Variants in TRIM71 observed in about 807,000 individuals in gnomAD.
TRIM71 encodes tripartite motif containing 71, also known as E3 ubiquitin-protein ligase TRIM71.
TRIM71 carries 9 observed loss-of-function variants against 61.2 expected under a neutral mutation model. That is an observed-to-expected ratio of 0.15 (90% CI 0.09 to 0.26). The LOEUF is 0.26. Ranked by LOEUF, TRIM71 falls within the 10% of genes least tolerant of loss-of-function variation. The pLI is 1.00. For missense variants in TRIM71, 998 were observed against 1,238.7 expected (o/e 0.81, Z 2.92); for synonymous variants, 645 against 553.2 (o/e 1.17, Z -2.33).
intron 3 of TRIM71, among the ~76,000 whole-genome samples, chr3:32,888,938 A>C (rs965770798): frequency 6.6e-6 from 1 of 152,150 alleles, no homozygotes; most frequent in Non-Finnish European, 1.5e-5. Flanking sequence ...TCCTTTGCTG[A>C]GATAGCTCTC....
Position 32,885,986 on chromosome 3 carries a change from A to G in TRIM71, c.1073A>G (p.Lys358Arg). ...TVAEQVEMKAKVVQSEVKAVT... is the reference protein window; with the variant it reads ...TVAEQVEMKARVVQSEVKAVT... ...GCGGAACAGGTGGAGATGAAGGCGA[A>G]GGTTGTGCAGTCGGAGGTCAAAGCC... Residue 358 changes from lysine (K) to arginine (R), a missense_variant, in exon 3 of 4, where the codon AAG becomes AGG. Coordinates refer to ENST00000383763, the MANE Select transcript of TRIM71 (RefSeq NM_001039111.3). 6.2e-7 allele frequency: 1 copy of G among 1,614,196 alleles called. No individual in the cohort carries two copies. The highest frequency in any genetic ancestry group is 8.5e-7 in the Non-Finnish European group (1 of 1,180,028).
Position 32,818,725 on chromosome 3 carries a change from C to T in TRIM71, c.645C>T (p.Cys215=). The T allele has an allele frequency of 1.3e-6, 2 of 1,597,756 alleles. No individual in the cohort carries two copies. Among genetic ancestry groups the T allele is most frequent in the Non-Finnish European group, 1.7e-6 (2 of 1,177,006 alleles). Residue 215 remains cysteine (C), a synonymous_variant, in exon 1 of 4, where the codon TGC becomes TGT. Transcript: ENST00000383763. ...CAGCTTCTTCGCGCTGCCTCGACTG[C>T]CAGGAGCACCTGTGCGACAACTGCG... ...GNAASSRCLD[C]QEHLCDNCVR... is the part of the protein sequence containing the mutation.
intron 1 of TRIM71, among the ~76,000 whole-genome samples, chr3:32,868,702 A>T (rs796463164): frequency 9.0e-4 from 128 of 142,044 alleles, no homozygotes; most frequent in African/African-American, 3.4e-3. Flanking sequence ...TTTTTTTTTA[A>T]AAAACTGTTT....
Position 32,818,477 on chromosome 3 carries a change from A to C in TRIM71, c.397A>C (p.Lys133Gln), listed in dbSNP as rs1237860884. ...GGCCACTGCCGACGAGCCGCCGCCC[A>C]AGAACGGGCGCGCCGGCGCTCCGGC... ...VVATADEPPP[K>Q]NGRAGAPAGA... The change falls in exon 1 of 4, where the codon AAG (lysine) becomes CAG (glutamine). Residue 133 changes from lysine to glutamine, a missense_variant. Lys to Gln is a moderately conservative substitution (Grantham distance 53). Coordinates refer to ENST00000383763, the MANE Select transcript of TRIM71 (RefSeq NM_001039111.3). 1 of 1,447,290 alleles carries C rather than the reference A, an allele frequency of 6.9e-7. No individual in the cohort carries two copies. Among genetic ancestry groups the C allele is most frequent in the Admixed American group, 2.6e-5 (1 of 38,394 alleles). The allele number at this position is 1,447,290 out of a possible 1,614,324, so 89.7% of individuals were successfully genotyped here. A position where few individuals can be genotyped will look rare whatever the true frequency, so the allele number is the denominator to read the frequency against.
intron 1 of TRIM71, among the ~76,000 whole-genome samples, chr3:32,860,376 G>A (rs529456109): frequency 5.3e-5 from 8 of 151,852 alleles, no homozygotes; most frequent in African/African-American, 1.5e-4. Flanking sequence ...GGCCGGTCTC[G>A]AACTCCTGAC....
intron 3 of TRIM71, among the ~76,000 whole-genome samples, chr3:32,888,088 A>T (rs1457977508): frequency 1.3e-5 from 2 of 152,188 alleles, no homozygotes; most frequent in African/African-American, 4.8e-5. Flanking sequence ...GGTAAAACAA[A>T]ATTCCATATT....
At chr3:32,880,808 C>G (rs1343771824) in intron 2 of TRIM71, among the ~76,000 whole-genome samples, 1 of 152,086 alleles carries the variant, frequency 6.6e-6, no homozygotes, top group Non-Finnish European at 1.5e-5. Flanking sequence ...AACTGATTTG[C>G]TGGGGATAGC....
chr3:32,884,454 T>G (rs1473947548), intron 2 of TRIM71, among the ~76,000 whole-genome samples: 7 of 151,712 alleles, frequency 4.6e-5, no homozygotes, highest in Admixed American at 4.6e-4. Flanking sequence ...TGCCAGCACT[T>G]TTGGAGGCCT....
chr3:32,848,146 C>G (rs7612883), intron 1 of TRIM71, among the ~76,000 whole-genome samples: 52,842 of 152,068 alleles, frequency 0.35, 10,649 homozygotes, highest in Middle Eastern at 0.49. Context: ...CCACTTAATA[C>G]TGTGTGACCT....
intron 1 of TRIM71, among the ~76,000 whole-genome samples, chr3:32,860,225 C>G (rs543287814): frequency 6.7e-6 from 1 of 148,516 alleles, no homozygotes; most frequent in Non-Finnish European, 1.5e-5. Flanking sequence ...ATGGTGCGAT[C>G]TCTGCTCACT....
chr3:32,818,965 C>G (rs1170481015), intron 1 of TRIM71, 33 bp downstream of exon 1: 4 of 1,601,432 alleles, frequency 2.5e-6, no homozygotes, highest in Non-Finnish European at 3.4e-6. Flanking sequence ...TTGTGTCCAT[C>G]GGATAACTGC....
At chr3:32,855,228 G>A (rs1037224588) in intron 1 of TRIM71, among the ~76,000 whole-genome samples, 12 of 152,152 alleles carry the variant, frequency 7.9e-5, no homozygotes, top group Admixed American at 3.3e-4. Flanking sequence ...TCAAATGAAC[G>A]TGACTAGATA....
intron 1 of TRIM71, 83 bp downstream of exon 1, chr3:32,819,015 A>T: frequency 6.8e-7 from 1 of 1,464,648 alleles, no homozygotes; most frequent in Non-Finnish European, 9.4e-7. Flanking sequence ...TCCCACAGCG[A>T]GGGGAGGAGG....
At chr3:32,825,703 A>G (rs1174259318) in intron 1 of TRIM71, among the ~76,000 whole-genome samples, 1 of 152,054 alleles carries the variant, frequency 6.6e-6, no homozygotes, top group Non-Finnish European at 1.5e-5. Flanking sequence ...AGCAAGAGAA[A>G]GATAATGATA....
intron 1 of TRIM71, among the ~76,000 whole-genome samples, chr3:32,820,614 T>C (rs189714496): frequency 3.2e-4 from 48 of 152,364 alleles, no homozygotes; most frequent in Non-Finnish European, 2.2e-4. Context: ...TTTCCCCTTC[T>C]GAGAGGTGCT....
Position 32,836,639 on chromosome 3 carries a change from A to C in TRIM71, c.852+17707A>C, listed in dbSNP as rs1358880361. On this transcript the variant is annotated intron_variant, in intron 1 of 3. Coordinates refer to ENST00000383763, the MANE Select transcript of TRIM71 (RefSeq NM_001039111.3). The stretch of plus-strand genomic sequence containing the variant: ...CTAATTTTATTTAGAACAAATAACG[A>C]GCCTAATGTTCTGTCTGTTAGTGAA... Among the ~76,000 whole-genome samples, 2 of 152,226 alleles carry C rather than the reference A, an allele frequency of 1.3e-5. 1 individual carries two copies. Among genetic ancestry groups the C allele is most frequent in the Admixed American group, 1.3e-4 (2 of 15,278 alleles).
intron 1 of TRIM71, among the ~76,000 whole-genome samples, chr3:32,867,985 T>TA (rs1344472419): frequency 6.6e-6 from 1 of 152,084 alleles, no homozygotes; most frequent in Non-Finnish European, 1.5e-5. Context: ...TTTCTAGAGA[T>TA]ACCATGAAGC....
In TRIM71 at chr3:32,892,359, G is replaced by A. The variant is rs1187716566; in HGVS notation, c.*548G>A. ...GAGAATACTGTTTATATGGGGTTTA[G>A]ATTATGTTGTGTTGTTTTGATCTTT... On this transcript the variant is annotated 3_prime_UTR_variant, in exon 4 of 4. Transcript: ENST00000383763. The A allele has an allele frequency of 6.5e-6, 1 of 152,764 alleles. No individual in the cohort carries two copies. Among genetic ancestry groups the A allele is most frequent in the Non-Finnish European group, 1.5e-5 (1 of 68,420 alleles). The allele number at this position is 152,764 out of a possible 1,614,324, so 9.5% of individuals were successfully genotyped here.
At chr3:32,880,508 G>C (rs898717381) in intron 2 of TRIM71, among the ~76,000 whole-genome samples, 3 of 152,184 alleles carry the variant, frequency 2.0e-5, no homozygotes, top group African/African-American at 4.8e-5. Context: ...TGACTTTAAA[G>C]AGACTCACAA....
Sources: gnomAD v4.1 joint callset for allele counts (sites outside exome capture counted in the v4.1 genomes callset) on GRCh38, gnomAD v4.1.1 for gene constraint, MANE v1.5 for transcripts, NCBI Gene and HGNC (gene_info 2026-07-23, HGNC 2026-07-21) for gene names.